Variants in GRIK1 observed in about 807,000 individuals in gnomAD.
GRIK1 encodes the protein glutamate ionotropic receptor kainate type subunit 1.
GRIK1 carries 69 observed loss-of-function variants against 105.7 expected under a neutral mutation model. That is an observed-to-expected ratio of 0.65 (90% CI 0.54 to 0.80). The LOEUF (loss-of-function observed/expected upper bound fraction) is 0.80. Ranked by LOEUF, GRIK1 falls within the 30% of genes least tolerant of loss-of-function variation. The pLI, the probability that GRIK1 is intolerant of heterozygous loss-of-function variation, is 0.00. For missense variants in GRIK1, 1,109 were observed against 1,167.3 expected (o/e 0.95, Z 0.73); for synonymous variants, 438 against 431.3 (o/e 1.02, Z -0.19).
At chr21:29,921,650 G>A (rs943086843) in intron 1 of GRIK1, among the ~76,000 whole-genome samples, 11 of 151,910 alleles carry the variant, frequency 7.2e-5, no homozygotes, top group Admixed American at 4.6e-4. Flanking sequence ...AAAAATATAG[G>A]CCAGACTTCT....
intron 14 of GRIK1, among the ~76,000 whole-genome samples, chr21:29,562,986 CTG>C (rs1173821402): frequency 2.0e-5 from 3 of 151,986 alleles, no homozygotes. Context: ...GCATTTTACT[CTG>C]TAATTTCCAT....
intron 1 of GRIK1, among the ~76,000 whole-genome samples, chr21:29,828,318 C>T (rs1409165551): frequency 4.0e-5 from 6 of 151,774 alleles, no homozygotes; most frequent in South Asian, 2.1e-4. Context: ...TCATTTATAC[C>T]GAAAAACCTT....
intron 1 of GRIK1, among the ~76,000 whole-genome samples, chr21:29,778,297 C>A (rs180746677): frequency 6.6e-6 from 1 of 152,300 alleles, no homozygotes; most frequent in African/African-American, 2.4e-5. Context: ...ATGCTAGAAC[C>A]AAAGCACAGG....
rs530464595 is a variant in GRIK1, at chr21:29,906,732, T to A, written c.118+32651A>T. Among the ~76,000 whole-genome samples, 248 of 152,218 alleles carry A rather than the reference T, an allele frequency of 1.6e-3. 2 individuals are homozygous for A. The highest frequency in any genetic ancestry group is 5.6e-3 in the African/African-American group (232 of 41,566). ...TTAGAACCAATTATCTTTTCAAAAT[T>A]TATTTATTTCTGGATGTCACATTTG... On this transcript the variant is annotated intron_variant, in intron 1 of 17. Coordinates refer to ENST00000327783, the MANE Select transcript of GRIK1 (RefSeq NM_001330994.2).
Position 29,581,522 on chromosome 21 carries a change from A to G in GRIK1, c.1815T>C (p.Tyr605=). 1 of 1,603,032 alleles carries G rather than the reference A, an allele frequency of 6.2e-7. No homozygotes were observed. Residue 605 remains tyrosine (Y), a synonymous_variant, in exon 13 of 18, where the codon TAT becomes TAC. Coordinates refer to ENST00000327783, the MANE Select transcript of GRIK1 (RefSeq NM_001330994.2). ...VIARFTPYEW[Y]NPHPCNPDSD... ...AGTCAGGGTTGCATGGGTGGGGGTT[A>G]TACCACTCGTAGGGTGTAAACCTGT...
At chr21:29,784,105 T>C (rs1257532478) in intron 1 of GRIK1, among the ~76,000 whole-genome samples, 1 of 152,182 alleles carries the variant, frequency 6.6e-6, no homozygotes, top group South Asian at 2.1e-4. Context: ...TAGTATATTA[T>C]AGGGATTGTT....
chr21:29,804,732 G>A (rs1038980176), intron 1 of GRIK1, among the ~76,000 whole-genome samples: 3 of 152,152 alleles, frequency 2.0e-5, no homozygotes, highest in Admixed American at 2.0e-4. Flanking sequence ...ACTTTCCCCT[G>A]CTATTATTCT....
chr21:29,753,129 T>A (rs1297198875), intron 1 of GRIK1, among the ~76,000 whole-genome samples: 1 of 152,238 alleles, frequency 6.6e-6, no homozygotes, highest in Non-Finnish European at 1.5e-5. Flanking sequence ...GCTGTCTTAC[T>A]TCATCCATGT....
At position 29,540,428 on chromosome 21, in the gene GRIK1, T is replaced by C. The variant is rs530361344; in HGVS notation, c.2608-2544A>G. Among the ~76,000 whole-genome samples the C allele has an allele frequency of 2.0e-5, 3 of 152,328 alleles. No homozygotes were observed. In the East Asian group the frequency reaches 5.8e-4, roughly 29 times the overall value. On this transcript the variant is annotated intron_variant, in intron 16 of 17. Coordinates refer to ENST00000327783, the MANE Select transcript of GRIK1 (RefSeq NM_001330994.2). ...AAAGAAAATGGCAAGATATTGGGGC[T>C]GACCTTTCTGCCTCCAAGTTTTTGC...
intron 6 of GRIK1, among the ~76,000 whole-genome samples, chr21:29,646,817 T>G (rs2062630531): frequency 6.6e-6 from 1 of 152,110 alleles, no homozygotes; most frequent in African/African-American, 2.4e-5. Context: ...GATTCTGCCA[T>G]GATATTTCAG....
intron 7 of GRIK1, among the ~76,000 whole-genome samples, chr21:29,619,079 T>A (rs1200555591): frequency 6.9e-6 from 1 of 145,360 alleles, no homozygotes; most frequent in Non-Finnish European, 1.5e-5. Context: ...TGAGCCGAGA[T>A]TGTGCCACTG....
At chr21:29,893,174 G>T (rs1601961829) in intron 1 of GRIK1, among the ~76,000 whole-genome samples, 2 of 152,192 alleles carry the variant, frequency 1.3e-5, no homozygotes, top group South Asian at 4.1e-4. Context: ...GAGATGAAGT[G>T]ATTTCATTCA....
At chr21:29,612,103 G>A (rs746230782) in intron 7 of GRIK1, among the ~76,000 whole-genome samples, 2 of 152,152 alleles carry the variant, frequency 1.3e-5, no homozygotes, top group Admixed American at 6.5e-5. Context: ...AGCCTTCAGC[G>A]TTTTTTGTGC....
At chr21:29,869,516 T>C (rs2068937826) in intron 1 of GRIK1, among the ~76,000 whole-genome samples, 2 of 152,238 alleles carry the variant, frequency 1.3e-5, no homozygotes, top group South Asian at 4.1e-4. Flanking sequence ...ATACAGTGTG[T>C]GGATAAGTTC....
chr21:29,753,996 A>C lies in GRIK1; in HGVS notation c.119-59933T>G, dbSNP rs116879439. Reference sequence around the variant, plus strand: ...TTTCTTAAGGAGAAAAATCCTTCAAAGTTAGGTATCCTTTACTAGGCAGGC... The same window carrying C: ...TTTCTTAAGGAGAAAAATCCTTCAACGTTAGGTATCCTTTACTAGGCAGGC... On this transcript the variant is annotated intron_variant, in intron 1 of 17. Coordinates refer to ENST00000327783, the MANE Select transcript of GRIK1 (RefSeq NM_001330994.2). Among the ~76,000 whole-genome samples the C allele has an allele frequency of 4.1e-4, 63 of 152,314 alleles. No homozygotes were observed. In the East Asian group the frequency reaches 0.011, roughly 27 times the overall value.
chr21:29,924,639 A>G (rs1213658025), intron 1 of GRIK1, among the ~76,000 whole-genome samples: 1 of 152,060 alleles, frequency 6.6e-6, no homozygotes, highest in South Asian at 2.1e-4. Flanking sequence ...TGTCTCAAAA[A>G]ATTTTATTCT....
chr21:29,705,139 G>A (rs542187177), intron 1 of GRIK1, among the ~76,000 whole-genome samples: 2 of 152,256 alleles, frequency 1.3e-5, no homozygotes, highest in East Asian at 1.9e-4. Flanking sequence ...CTGTATTTCT[G>A]TTGTTTCTCA....
At chr21:29,818,011 C>T (rs1313804722) in intron 1 of GRIK1, among the ~76,000 whole-genome samples, 4 of 152,086 alleles carry the variant, frequency 2.6e-5, no homozygotes, top group Non-Finnish European at 5.9e-5. Context: ...TAATTTGCTA[C>T]ATAACTTATT....
chr21:29,925,146 C>A (rs1469604314), intron 1 of GRIK1, among the ~76,000 whole-genome samples: 1 of 152,212 alleles, frequency 6.6e-6, no homozygotes, highest in Non-Finnish European at 1.5e-5. Flanking sequence ...ATGAAACACA[C>A]CACTGATTTG....
Sources: gnomAD v4.1 joint callset for allele counts (sites outside exome capture counted in the v4.1 genomes callset) on GRCh38, gnomAD v4.1.1 for gene constraint, MANE v1.5 for transcripts, NCBI Gene and HGNC (gene_info 2026-07-23, HGNC 2026-07-21) for gene names.